The following CBL variants were observed in gnomAD, a reference collection of about 807,000 sequenced individuals.
The protein encoded by CBL is Cbl proto-oncogene, also known as E3 ubiquitin-protein ligase CBL.
CBL carries 45 observed loss-of-function variants against 96.9 expected under a neutral mutation model. The ratio of observed to expected loss-of-function variants is 0.46; its 90% CI spans 0.37 to 0.60. The LOEUF (loss-of-function observed/expected upper bound fraction) is 0.60. Ranked by LOEUF, CBL falls within the 20% of genes least tolerant of loss-of-function variation. The pLI, the probability that CBL is intolerant of heterozygous loss-of-function variation, is 0.00. For synonymous variants in CBL, 420 were observed against 426.8 expected, an observed-to-expected ratio of 0.98 and a Z score of 0.20; for missense variants, 1,024 against 1,143.5, an observed-to-expected ratio of 0.90 and a Z score of 1.51.
At chr11:119,234,157 C>A (rs746496480) in intron 2 of CBL, among the ~76,000 whole-genome samples, 2 of 152,158 alleles carry the variant, frequency 1.3e-5, no homozygotes, top group Non-Finnish European at 2.9e-5. Context: ...CAAGCATGCA[C>A]CGCTGTGCCC....
In CBL at chr11:119,306,576, A is replaced by G. The variant is rs185187005; in HGVS notation, c.*6795A>G. On this transcript the variant is annotated 3_prime_UTR_variant, in exon 16 of 16. Coordinates refer to ENST00000264033, the MANE Select transcript of CBL (RefSeq NM_005188.4). ...TGTGTCAGCTCCCTCCTCTCTACCT[A>G]CCTCTGACCTTCTTGTGGGTGAGGG... 17 of 388,112 alleles carry G rather than the reference A, an allele frequency of 4.4e-5. No homozygotes were observed. Among genetic ancestry groups the G allele is most frequent in the African/African-American group, 3.1e-4 (15 of 48,390 alleles). The allele number at this position is 388,112 out of a possible 1,614,324, so 24.0% of individuals were successfully genotyped here. A position where few individuals can be genotyped will look rare whatever the true frequency, so the allele number is the denominator to read the frequency against.
chr11:119,268,375 A>G (rs1025571373), intron 2 of CBL, among the ~76,000 whole-genome samples: 7 of 152,252 alleles, frequency 4.6e-5, no homozygotes, highest in Non-Finnish European at 1.0e-4. Context: ...TCAGATATGG[A>G]GAACAAGGTA....
intron 2 of CBL, among the ~76,000 whole-genome samples, chr11:119,258,257 G>T (rs139775783): frequency 1.3e-5 from 2 of 152,108 alleles, no homozygotes; most frequent in East Asian, 3.9e-4. Context: ...AAAACAAAAA[G>T]ACTTGAGACT....
intron 10 of CBL, 30 bp downstream of exon 10, chr11:119,285,130 G>A (rs1431925422): frequency 6.2e-7 from 1 of 1,613,994 alleles, no homozygotes; most frequent in East Asian, 2.2e-5. Flanking sequence ...TGCAGTTTTT[G>A]GATTCTTTGC....
At chr11:119,254,467 T>C (rs1949695814) in intron 2 of CBL, among the ~76,000 whole-genome samples, 1 of 152,202 alleles carries the variant, frequency 6.6e-6, no homozygotes. Context: ...GTAGAGCTTA[T>C]TGCTCATAGG....
chr11:119,249,474 G>T (rs1440278032), intron 2 of CBL, among the ~76,000 whole-genome samples: 1 of 149,310 alleles, frequency 6.7e-6, no homozygotes, highest in Non-Finnish European at 1.5e-5. Flanking sequence ...AGAACCGCTT[G>T]AACCCAGGAA....
intron 2 of CBL, among the ~76,000 whole-genome samples, chr11:119,251,299 C>CG (rs1949668123): frequency 6.6e-6 from 1 of 152,024 alleles, no homozygotes; most frequent in South Asian, 2.1e-4. Flanking sequence ...TTGTGGACAC[C>CG]GAGGCTCAGA....
chr11:119,275,483 G>A (rs1294260752), intron 5 of CBL, among the ~76,000 whole-genome samples: 2 of 152,064 alleles, frequency 1.3e-5, no homozygotes, highest in Non-Finnish European at 1.5e-5. Context: ...TGTGTCTTTT[G>A]CTTCTGGTGT....
chr11:119,287,263 C>A (rs572425160), intron 11 of CBL, among the ~76,000 whole-genome samples: 1 of 152,206 alleles, frequency 6.6e-6, no homozygotes. Flanking sequence ...AAGTACCACA[C>A]GTGCACTGCA....
intron 1 of CBL, among the ~76,000 whole-genome samples, chr11:119,215,396 A>G (rs1447311386): frequency 6.6e-6 from 1 of 151,878 alleles, no homozygotes; most frequent in Non-Finnish European, 1.5e-5. Context: ...CTAAGAGCAA[A>G]ATGGACTAAA....
At chr11:119,234,005 G>C (rs1949523863) in intron 2 of CBL, among the ~76,000 whole-genome samples, 2 of 151,762 alleles carry the variant, frequency 1.3e-5, no homozygotes, top group African/African-American at 4.8e-5. Context: ...TCTTTCTTTT[G>C]TTTTGTTTTG....
At chr11:119,262,018 A>C (rs1311253628) in intron 2 of CBL, among the ~76,000 whole-genome samples, 2 of 152,240 alleles carry the variant, frequency 1.3e-5, no homozygotes, top group Non-Finnish European at 2.9e-5. Flanking sequence ...AATATTTTTC[A>C]CTAATAGCTT....
At chr11:119,268,425 G>A (rs1337284901) in intron 2 of CBL, among the ~76,000 whole-genome samples, 1 of 152,230 alleles carries the variant, frequency 6.6e-6, no homozygotes, top group East Asian at 1.9e-4. Flanking sequence ...TTTTGAACTT[G>A]TGGGAAGTAA....
Position 119,284,952 on chromosome 11 carries a change from T to C in CBL, c.1432-17T>C. ...CCCCAAACGAAAGTAATCTGTTAAA[T>C]TTTTTATGTACCCTAGGTGGAACGG... On this transcript the variant is annotated splice_polypyrimidine_tract_variant and intron_variant, in intron 9 of 15. Coordinates refer to ENST00000264033, the MANE Select transcript of CBL (RefSeq NM_005188.4). The C allele has an allele frequency of 5.0e-6, 8 of 1,613,892 alleles. No homozygotes were observed. Among genetic ancestry groups the C allele is most frequent in the Non-Finnish European group, 6.8e-6 (8 of 1,179,956 alleles).
intron 1 of CBL, among the ~76,000 whole-genome samples, chr11:119,227,759 A>T (rs1249378859): frequency 6.6e-6 from 1 of 152,156 alleles, no homozygotes; most frequent in Non-Finnish European, 1.5e-5. Context: ...CATGTTGGTC[A>T]GGCTGGTGTC....
chr11:119,213,414 T>C (rs550667077), intron 1 of CBL, among the ~76,000 whole-genome samples: 27 of 152,292 alleles, frequency 1.8e-4, no homozygotes, highest in Middle Eastern at 3.4e-3. Flanking sequence ...AGGAGAAATA[T>C]GTCTGAAGTG....
At chr11:119,277,992 C>G (rs1047870035) in intron 7 of CBL, 148 bp downstream of exon 7, 2 of 884,642 alleles carry the variant, frequency 2.3e-6, no homozygotes, top group Non-Finnish European at 3.6e-6. Context: ...AACCCTGGAG[C>G]TTAAAATAGG....
chr11:119,276,309 A>G (rs1056073423), intron 6 of CBL, among the ~76,000 whole-genome samples, 175 bp downstream of exon 6: 2 of 152,214 alleles, frequency 1.3e-5, no homozygotes, highest in Admixed American at 1.3e-4. Flanking sequence ...TTTCTTTTTT[A>G]GGGATTCCAT....
chr11:119,278,349 T>G (rs1444935348), intron 8 of CBL, 52 bp downstream of exon 8: 1 of 1,605,340 alleles, frequency 6.2e-7, no homozygotes, highest in East Asian at 2.2e-5. Context: ...CTTGGAAAAT[T>G]CGGTATTATA....
Sources: allele counts gnomAD v4.1 joint callset (sites outside exome capture counted in the v4.1 genomes callset), GRCh38; gene constraint gnomAD v4.1.1; transcripts MANE v1.5; gene names NCBI Gene and HGNC (gene_info 2026-07-23, HGNC 2026-07-21).